CEP85L: variants seen among roughly 807,000 people sequenced by gnomAD.
CEP85L encodes the protein centrosomal protein of 85 kDa-like.
CEP85L carries 60 observed loss-of-function variants against 100.3 expected under a neutral mutation model. The ratio of observed to expected loss-of-function variants is 0.60; its 90% CI spans 0.49 to 0.74. CEP85L has a LOEUF of 0.74. Ranked by LOEUF, CEP85L falls within the 30% of genes least tolerant of loss-of-function variation. CEP85L has a pLI of 0.00. For synonymous variants in CEP85L, 319 were observed against 322.7 expected (o/e 0.99, Z 0.12); for missense variants, 973 against 936.2 (o/e 1.04, Z -0.51).
Position 118,561,620 on chromosome 6 carries a change from C to T in CEP85L, c.1020+3909G>A, listed in dbSNP as rs372219960. The stretch of plus-strand genomic sequence containing the variant: ...GGGCACTAAAAACAATTTTAAAATG[C>T]TTAATGTTGCCTTTTATATTTTAAT... On this transcript the variant is annotated intron_variant, in intron 3 of 12. Coordinates refer to ENST00000368491, the MANE Select transcript of CEP85L (RefSeq NM_001042475.3). 1.2e-4 allele frequency among the ~76,000 whole-genome samples: 18 copies of T among 152,086 alleles called. No homozygotes were observed. In the East Asian group the frequency reaches 3.3e-3, roughly 28 times the overall value.
chr6:118,650,488 T>G (rs1443125585), intron 1 of CEP85L, among the ~76,000 whole-genome samples: 1 of 152,192 alleles, frequency 6.6e-6, no homozygotes, highest in Non-Finnish European at 1.5e-5. Flanking sequence ...CTAATTTTCC[T>G]TGAAGGGGCC....
intron 2 of CEP85L, among the ~76,000 whole-genome samples, chr6:118,598,434 T>C (rs898148664): frequency 1.1e-4 from 16 of 152,170 alleles, no homozygotes; most frequent in African/African-American, 3.9e-4. Context: ...TTTGCAGATG[T>C]AATCCGAGGT....
rs1773527696 is a variant in CEP85L at position 118,478,194 on chromosome 6, T to C, written c.1914+1677A>G. The stretch of plus-strand genomic sequence containing the variant: ...AGTGTGTCCAATGCTAGGGAAATAA[T>C]CAGTGCTCCTCTTTTAATAACAAGC... On this transcript the variant is annotated intron_variant, in intron 10 of 12. Coordinates refer to ENST00000368491, the MANE Select transcript of CEP85L (RefSeq NM_001042475.3). Among the ~76,000 whole-genome samples the C allele has an allele frequency of 2.0e-5, 3 of 152,104 alleles. No individual in the cohort carries two copies. In the South Asian group the frequency reaches 6.2e-4, roughly 32 times the overall value.
At chr6:118,523,761 T>C in intron 4 of CEP85L, 41 bp downstream of exon 4, 1 of 950,220 alleles carries the variant, frequency 1.1e-6, no homozygotes, top group Non-Finnish European at 1.6e-6. Context: ...AATCTAAATT[T>C]CTGTAGGCCT....
intron 1 of CEP85L, among the ~76,000 whole-genome samples, chr6:118,646,665 A>T (rs1775217461): frequency 6.6e-6 from 1 of 152,200 alleles, no homozygotes; most frequent in African/African-American, 2.4e-5. Context: ...TGTCTCAAAA[A>T]AAATAAAAAA....
Position 118,675,103 on chromosome 6 carries a change from C to T in CEP85L, c.-27-22295G>A, listed in dbSNP as rs151230818. Reference sequence around the variant, plus strand: ...GGATAAACAAAGTGTTACACACACACCCACACATGCACTCACATACAAGGG... The same window carrying T: ...GGATAAACAAAGTGTTACACACACATCCACACATGCACTCACATACAAGGG... On this transcript the variant is annotated intron_variant, in intron 1 of 13. Transcript: ENST00000368488. Among the ~76,000 whole-genome samples the T allele has an allele frequency of 2.0e-3, 310 of 152,238 alleles. 3 individuals carry two copies. Among genetic ancestry groups the T allele is most frequent in the African/African-American group, 7.1e-3 (297 of 41,554 alleles).
intron 1 of CEP85L, among the ~76,000 whole-genome samples, chr6:118,639,883 C>G (rs994961535): frequency 3.3e-5 from 5 of 152,052 alleles, no homozygotes; most frequent in Admixed American, 6.6e-5. Flanking sequence ...TTCAAACAAG[C>G]GTTTTGTTTG....
intron 2 of CEP85L, among the ~76,000 whole-genome samples, chr6:118,604,456 T>G (rs549745015): frequency 6.6e-6 from 1 of 152,368 alleles, no homozygotes; most frequent in East Asian, 1.9e-4. Context: ...TATTTAACTC[T>G]TTAGGCAAAA....
intron 2 of CEP85L, among the ~76,000 whole-genome samples, chr6:118,586,132 A>C (rs1780845350): frequency 1.3e-5 from 2 of 152,188 alleles, no homozygotes; most frequent in Non-Finnish European, 2.9e-5. Context: ...CCTAATCCTC[A>C]GGAAAGGTAG....
rs772470195 is a variant in CEP85L at position 118,566,237 on chromosome 6, C to T, written c.312G>A (p.Pro104=). The T allele has an allele frequency of 1.7e-5, 28 of 1,613,816 alleles. No individual in the cohort carries two copies. Among genetic ancestry groups the T allele is most frequent in the African/African-American group, 1.6e-4 (12 of 74,886 alleles). The stretch of plus-strand genomic sequence containing the variant: ...TGGAAATTGAAGCGCTGGAATTAGA[C>T]GGCATCACATGGGCAGTAGGAAGAG... ...LITLPTAHVM[P]SNSSASISKL... is the part of the protein sequence containing the mutation. Residue 104 remains proline, a synonymous_variant, in exon 3 of 13, where the codon CCG becomes CCA. Transcript: ENST00000368491.
intron 2 of CEP85L, among the ~76,000 whole-genome samples, chr6:118,570,420 GCT>G (rs1779819225): frequency 6.6e-6 from 1 of 152,126 alleles, no homozygotes; most frequent in African/African-American, 2.4e-5. Flanking sequence ...CCAGTAATGG[GCT>G]ACTTTCCAAT....
At chr6:118,477,264 A>C (rs1773453999) in intron 10 of CEP85L, among the ~76,000 whole-genome samples, 1 of 152,188 alleles carries the variant, frequency 6.6e-6, no homozygotes, top group Admixed American at 6.5e-5. Flanking sequence ...CTGTATTTTT[A>C]CAGCACTCAA....
intron 8 of CEP85L, among the ~76,000 whole-genome samples, chr6:118,481,194 G>A (rs1222948782): frequency 6.6e-6 from 1 of 150,506 alleles, no homozygotes; most frequent in Admixed American, 6.6e-5. Context: ...AAGGAGTGCA[G>A]TTTGAGTATT....
At chr6:118,549,628 T>C (rs1166878616) in intron 3 of CEP85L, among the ~76,000 whole-genome samples, 3 of 151,858 alleles carry the variant, frequency 2.0e-5, no homozygotes, top group African/African-American at 7.2e-5. Context: ...CACTGAGGTA[T>C]CCTAATTGTG....
At chr6:118,598,391 G>A (rs921109304) in intron 2 of CEP85L, among the ~76,000 whole-genome samples, 9 of 152,174 alleles carry the variant, frequency 5.9e-5, no homozygotes, top group African/African-American at 1.9e-4. Context: ...ACCCCTAGAA[G>A]CTGTGAATGT....
intron 3 of CEP85L, among the ~76,000 whole-genome samples, chr6:118,546,385 C>A (rs1314366133): frequency 6.6e-6 from 1 of 152,116 alleles, no homozygotes; most frequent in African/African-American, 2.4e-5. Flanking sequence ...TCTACGGCAG[C>A]TTCTTGGTTT....
intron 12 of CEP85L, among the ~76,000 whole-genome samples, chr6:118,466,392 G>A (rs994571262): frequency 2.6e-5 from 4 of 152,044 alleles, no homozygotes; most frequent in African/African-American, 9.7e-5. Context: ...GTCAGAAAAG[G>A]AACAGACACA....
intron 2 of CEP85L, among the ~76,000 whole-genome samples, chr6:118,599,630 G>A (rs1193986381): frequency 6.6e-6 from 1 of 151,878 alleles, no homozygotes; most frequent in East Asian, 1.9e-4. Context: ...TAATAGAAAT[G>A]GTAAAATACT....
intron 4 of CEP85L, among the ~76,000 whole-genome samples, chr6:118,512,535 T>C (rs1464228520): frequency 6.6e-6 from 1 of 152,216 alleles, no homozygotes; most frequent in African/African-American, 2.4e-5. Flanking sequence ...TTTTCAATTT[T>C]CACAACTGGG....
Sources: allele counts gnomAD v4.1 joint callset (sites outside exome capture counted in the v4.1 genomes callset), GRCh38; gene constraint gnomAD v4.1.1; transcripts MANE v1.5; gene names NCBI Gene and HGNC (gene_info 2026-07-23, HGNC 2026-07-21).